Variants in TBC1D5 observed in about 807,000 individuals in gnomAD.
TBC1D5 encodes the protein TBC1 domain family member 5, also known as TBC1 domain family, member 5.
Under a neutral mutation model 100.3 loss-of-function variants are expected in TBC1D5, and 75 were observed. The observed-to-expected ratio is 0.75, with a 90% CI of 0.62 to 0.91. The LOEUF is 0.91. Ranked by LOEUF, TBC1D5 falls within the 40% of genes least tolerant of loss-of-function variation. TBC1D5 has a pLI of 0.00. For missense variants in TBC1D5, 910 were observed against 942.4 expected, an observed-to-expected ratio of 0.97 and a Z score of 0.45; for synonymous variants, 323 against 325.6, an observed-to-expected ratio of 0.99 and a Z score of 0.09.
At chr3:17,645,113 A>G (rs2064895148) in intron 1 of TBC1D5, among the ~76,000 whole-genome samples, 3 of 152,162 alleles carry the variant, frequency 2.0e-5, no homozygotes, top group Admixed American at 2.0e-4. Flanking sequence ...AGATAAATAT[A>G]AATATAATAT....
chr3:17,681,786 C>A (rs2069511955), intron 1 of TBC1D5, among the ~76,000 whole-genome samples: 2 of 151,510 alleles, frequency 1.3e-5, no homozygotes, highest in African/African-American at 4.9e-5. Flanking sequence ...TGTTAGAAGC[C>A]AGGCCACACA....
chr3:17,406,308 G>A, intron 5 of TBC1D5, 110 bp downstream of exon 5: 2 of 880,782 alleles, frequency 2.3e-6, no homozygotes, highest in Non-Finnish European at 3.4e-6. Context: ...TAATGGGAGT[G>A]AAGTCTCTTG....
rs1217138145 is a variant in TBC1D5, at chr3:17,586,808, CATAT to C, written c.-36+37037_-36+37040del. ...AATACCAAAAATAAATGGCATTTTA[CATAT>C]ATAATACAAAAACATCAGGCTTCAC... On this transcript the variant is annotated intron_variant, in intron 2 of 21. Coordinates refer to ENST00000253692, the Ensembl canonical transcript of TBC1D5. 7.2e-5 allele frequency among the ~76,000 whole-genome samples: 11 copies of C among 152,110 alleles called. No homozygotes were observed. The East Asian group carries it at 2.1e-3, about 29-fold the overall frequency.
intron 1 of TBC1D5, among the ~76,000 whole-genome samples, chr3:17,667,066 C>T (rs1449636197): frequency 6.6e-6 from 1 of 152,192 alleles, no homozygotes; most frequent in East Asian, 1.9e-4. Flanking sequence ...GAAGTACAGT[C>T]AGCTACACAG....
chr3:17,475,625 C>T (rs1269006251), intron 3 of TBC1D5, among the ~76,000 whole-genome samples: 1 of 152,106 alleles, frequency 6.6e-6, no homozygotes, highest in Admixed American at 6.6e-5. Flanking sequence ...CACTACTCCT[C>T]TTCCCAGTCT....
At chr3:17,443,963 T>C (rs990935012) in intron 3 of TBC1D5, among the ~76,000 whole-genome samples, 2 of 151,814 alleles carry the variant, frequency 1.3e-5, no homozygotes, top group Non-Finnish European at 2.9e-5. Flanking sequence ...AAATTCAAAG[T>C]ATTTTCAAAA....
intron 2 of TBC1D5, among the ~76,000 whole-genome samples, chr3:17,577,093 T>C (rs1275699835): frequency 1.3e-5 from 2 of 152,010 alleles, no homozygotes; most frequent in East Asian, 1.9e-4. Context: ...TAAAAGGCTA[T>C]TATATGTACA....
intron 8 of TBC1D5, among the ~76,000 whole-genome samples, chr3:17,395,549 T>G (rs893508151): frequency 2.0e-5 from 3 of 152,174 alleles, no homozygotes; most frequent in Non-Finnish European, 4.4e-5. Context: ...AATATTATTT[T>G]ACTACTCACC....
At chr3:17,585,447 G>A (rs1205556067) in intron 2 of TBC1D5, among the ~76,000 whole-genome samples, 1 of 152,138 alleles carries the variant, frequency 6.6e-6, no homozygotes, top group East Asian at 1.9e-4. Context: ...TTAAAATTCT[G>A]AGATCTCAGT....
chr3:17,738,350 A>G (rs1577932730), intron 1 of TBC1D5, among the ~76,000 whole-genome samples: 1 of 152,270 alleles, frequency 6.6e-6, no homozygotes, highest in African/African-American at 2.4e-5. Flanking sequence ...CTTACGTGAT[A>G]GCATTAAGGG....
At chr3:17,491,923 C>T (rs956281046) in intron 3 of TBC1D5, among the ~76,000 whole-genome samples, 7 of 152,100 alleles carry the variant, frequency 4.6e-5, no homozygotes, top group African/African-American at 1.7e-4. Context: ...TCCACCTGGT[C>T]CTGGGCTTTT....
chr3:17,352,524 G>C (rs963749674), intron 13 of TBC1D5, among the ~76,000 whole-genome samples: 2 of 151,520 alleles, frequency 1.3e-5, no homozygotes, highest in African/African-American at 2.4e-5. Context: ...GTTGACTGTA[G>C]AGACTGGTGA....
intron 3 of TBC1D5, among the ~76,000 whole-genome samples, chr3:17,503,975 G>C (rs550803264): frequency 1.3e-5 from 2 of 149,280 alleles, no homozygotes; most frequent in Non-Finnish European, 2.9e-5. Flanking sequence ...TGAATTTTAG[G>C]AGAAACTTCA....
chr3:17,275,340 A>G (rs138538670), intron 15 of TBC1D5, among the ~76,000 whole-genome samples: 1 of 152,168 alleles, frequency 6.6e-6, no homozygotes, highest in East Asian at 1.9e-4. Context: ...TCAGTTTGAG[A>G]CCTGCCTAAG....
chr3:17,717,115 T>G (rs1041181791), intron 1 of TBC1D5, among the ~76,000 whole-genome samples: 5 of 152,138 alleles, frequency 3.3e-5, no homozygotes, highest in Admixed American at 3.3e-4. Flanking sequence ...CCAAGCCACC[T>G]AGCCAGTAAA....
At chr3:17,339,733 C>T (rs2088562015) in intron 13 of TBC1D5, among the ~76,000 whole-genome samples, 1 of 152,164 alleles carries the variant, frequency 6.6e-6, no homozygotes, top group South Asian at 2.1e-4. Context: ...TTTTGCATGA[C>T]ATTTGCAGTG....
chr3:17,671,207 GTCAA>G, intron 1 of TBC1D5, among the ~76,000 whole-genome samples: 1 of 152,168 alleles, frequency 6.6e-6, no homozygotes. Flanking sequence ...AGGCAAACAT[GTCAA>G]TCAAAGATGT....
upstream of TBC1D5, among the ~76,000 whole-genome samples, chr3:17,742,098 A>C (rs1454836718): frequency 6.6e-6 from 1 of 152,138 alleles, no homozygotes; most frequent in East Asian, 1.9e-4. Context: ...TTGGCCTTCC[A>C]GTCTAGACCC....
chr3:17,665,943 T>C (rs1204739261), intron 1 of TBC1D5, among the ~76,000 whole-genome samples: 3 of 152,184 alleles, frequency 2.0e-5, no homozygotes, highest in African/African-American at 7.2e-5. Context: ...TGAAATCCTT[T>C]TCCAACTAGA....
Sources: allele counts gnomAD v4.1 joint callset (sites outside exome capture counted in the v4.1 genomes callset), GRCh38; gene constraint gnomAD v4.1.1; transcripts MANE v1.5; gene names NCBI Gene and HGNC (gene_info 2026-07-23, HGNC 2026-07-21).